The following NCOA2 variants were observed in gnomAD, a reference collection of about 807,000 sequenced individuals.
The protein encoded by NCOA2 is class E basic helix-loop-helix protein 75.
Under a neutral mutation model 145.1 loss-of-function variants are expected in NCOA2, and 21 were observed. The ratio of observed to expected loss-of-function variants is 0.14; its 90% CI spans 0.10 to 0.21. The LOEUF (loss-of-function observed/expected upper bound fraction) is 0.21. Among genes scored for constraint, NCOA2 ranks in the 10% least tolerant of loss-of-function variants. The pLI is 1.00. For synonymous variants in NCOA2, 619 were observed against 637.5 expected, an observed-to-expected ratio of 0.97 and a Z score of 0.44; for missense variants, 1,472 against 1,837.6, an observed-to-expected ratio of 0.80 and a Z score of 3.64.
chr8:70,450,308 C>G, the NCOA2 span, among the ~76,000 whole-genome samples: 1 of 152,198 alleles, frequency 6.6e-6, no homozygotes, highest in African/African-American at 2.4e-5. Flanking sequence ...TGGCTCCACC[C>G]ATGTGAATGG....
intron 2 of NCOA2, among the ~76,000 whole-genome samples, chr8:70,242,266 A>G (rs1822202161): frequency 6.6e-6 from 1 of 152,196 alleles, no homozygotes; most frequent in Non-Finnish European, 1.5e-5. Context: ...TAAAGAAGAA[A>G]CAATCATTCA....
chr8:70,348,814 G>T (rs1021209559), intron 1 of NCOA2, among the ~76,000 whole-genome samples: 3 of 152,138 alleles, frequency 2.0e-5, no homozygotes, highest in Non-Finnish European at 4.4e-5. Context: ...ACTGAAGGTG[G>T]AAGCAAGGAG....
chr8:70,294,551 A>G (rs547945246), intron 2 of NCOA2, among the ~76,000 whole-genome samples: 1 of 152,340 alleles, frequency 6.6e-6, no homozygotes, highest in South Asian at 2.1e-4. Context: ...TCAGTTTGGA[A>G]TAACAATTAC....
At chr8:70,411,705 A>G in the NCOA2 span, among the ~76,000 whole-genome samples, 2 of 152,234 alleles carry the variant, frequency 1.3e-5, no homozygotes, top group Non-Finnish European at 2.9e-5. Flanking sequence ...TAGAGAAATA[A>G]CCTTGAATAA....
chr8:70,382,857 C>T (rs750993869), intron 1 of NCOA2, among the ~76,000 whole-genome samples: 1 of 152,174 alleles, frequency 6.6e-6, no homozygotes, highest in Non-Finnish European at 1.5e-5. Context: ...AATAATACTT[C>T]GCAATTTTAT....
intron 22 of NCOA2, among the ~76,000 whole-genome samples, chr8:70,116,174 G>A (rs1304086117): frequency 7.8e-6 from 1 of 128,526 alleles, no homozygotes; most frequent in African/African-American, 3.2e-5. Context: ...GCGACAAAGC[G>A]AGACTCTGTC....
chr8:70,387,155 A>G (rs1019527650), intron 1 of NCOA2, among the ~76,000 whole-genome samples: 2 of 152,206 alleles, frequency 1.3e-5, no homozygotes, highest in Non-Finnish European at 2.9e-5. Context: ...AAAAGCCTAT[A>G]AACTTTTTGA....
chr8:70,405,209 T>C (rs1196000326), upstream of NCOA2, among the ~76,000 whole-genome samples: 9 of 152,230 alleles, frequency 5.9e-5, no homozygotes, highest in Admixed American at 4.6e-4. Context: ...ATCCTAAAAT[T>C]TGTGGGTGTA....
intron 1 of NCOA2, among the ~76,000 whole-genome samples, chr8:70,375,377 G>A (rs1447787158): frequency 1.6e-4 from 24 of 152,164 alleles, no homozygotes; most frequent in Non-Finnish European, 1.5e-5. Context: ...CCTTTGCTTG[G>A]CTAGAAATTT....
intron 1 of NCOA2, among the ~76,000 whole-genome samples, chr8:70,364,604 A>C (rs745421075): frequency 6.6e-6 from 1 of 152,190 alleles, no homozygotes; most frequent in Non-Finnish European, 1.5e-5. Context: ...AAAGATGAAC[A>C]TGAGAATTCT....
At chr8:70,375,764 A>G (rs186177559) in intron 1 of NCOA2, among the ~76,000 whole-genome samples, 15 of 152,290 alleles carry the variant, frequency 9.8e-5, no homozygotes, top group East Asian at 5.8e-4. Context: ...TGAAATGTCA[A>G]TATCTCTAAT....
At chr8:70,322,555 C>T (rs1300980818) in intron 1 of NCOA2, among the ~76,000 whole-genome samples, 6 of 152,258 alleles carry the variant, frequency 3.9e-5, no homozygotes, top group South Asian at 4.1e-4. Flanking sequence ...ATCCTTGAGA[C>T]GTATTAGGAG....
At chr8:70,254,450 A>C (rs1823463015) in intron 2 of NCOA2, among the ~76,000 whole-genome samples, 1 of 152,220 alleles carries the variant, frequency 6.6e-6, no homozygotes, top group Non-Finnish European at 1.5e-5. Flanking sequence ...ACAATAGCCA[A>C]AAGGTGAAAG....
At chr8:70,195,161 T>C (rs1222251825) in intron 4 of NCOA2, among the ~76,000 whole-genome samples, 2 of 152,220 alleles carry the variant, frequency 1.3e-5, no homozygotes, top group Non-Finnish European at 2.9e-5. Flanking sequence ...AATTCTCATT[T>C]CACTGTAGTA....
chr8:70,445,145 A>C, the NCOA2 span, among the ~76,000 whole-genome samples: 2 of 152,310 alleles, frequency 1.3e-5, no homozygotes, highest in Non-Finnish European at 2.9e-5. Context: ...GTTATCCTCT[A>C]TAATGAGTGA....
chr8:70,304,986 A>G (rs189690906), intron 1 of NCOA2, among the ~76,000 whole-genome samples: 1 of 150,408 alleles, frequency 6.6e-6, no homozygotes, highest in African/African-American at 2.4e-5. Flanking sequence ...CCTCCTGAGT[A>G]GCTAGGACTA....
chr8:70,370,659 T>C (rs1365188238), intron 1 of NCOA2, among the ~76,000 whole-genome samples: 2 of 152,070 alleles, frequency 1.3e-5, no homozygotes, highest in African/African-American at 4.8e-5. Flanking sequence ...AAATAATGAA[T>C]TTAAGATGAA....
At chr8:70,334,891 G>A (rs1441007345) in intron 1 of NCOA2, among the ~76,000 whole-genome samples, 8 of 152,054 alleles carry the variant, frequency 5.3e-5, no homozygotes, top group East Asian at 1.9e-4. Context: ...TTGGGAGGCC[G>A]AGGTGGCGGA....
the NCOA2 span, among the ~76,000 whole-genome samples, chr8:70,450,573 C>CTTTTGTTT: frequency 1.1e-5 from 1 of 94,652 alleles, no homozygotes; most frequent in Non-Finnish European, 1.9e-5. Context: ...TCTTTTTATT[C>CTTTTGTTT]TTTTTTTTTT....
Sources: allele counts gnomAD v4.1 joint callset (sites outside exome capture counted in the v4.1 genomes callset), GRCh38; gene constraint gnomAD v4.1.1; transcripts MANE v1.5; gene names NCBI Gene and HGNC (gene_info 2026-07-23, HGNC 2026-07-21).